KIF7: variants seen among roughly 807,000 people sequenced by gnomAD.
KIF7 encodes kinesin family member 7.
In KIF7, 104 loss-of-function variants were observed where a neutral mutation model predicts 135.7. That is an observed-to-expected ratio of 0.77 (90% CI 0.65 to 0.90). KIF7 has a LOEUF of 0.90. KIF7 is among the 40% of genes least tolerant of loss of function. The pLI, the probability that KIF7 is intolerant of heterozygous loss-of-function variation, is 0.00. For missense variants in KIF7, 2,005 were observed against 1,839.1 expected, an observed-to-expected ratio of 1.09 and a Z score of -1.65; for synonymous variants, 883 against 809.4, an observed-to-expected ratio of 1.09 and a Z score of -1.54.
downstream of KIF7, chr15:89,624,636 C>T: frequency 6.2e-7 from 1 of 1,614,078 alleles, no homozygotes; most frequent in Non-Finnish European, 8.5e-7. Flanking sequence ...GCTACCCAGG[C>T]CCTGGTCTCA....
At chr15:89,633,549 A>C in intron 12 of KIF7, 137 bp downstream of exon 12, 2 of 987,712 alleles carry the variant, frequency 2.0e-6, no homozygotes, top group Non-Finnish European at 3.0e-6. Flanking sequence ...AGATGAAAAA[A>C]CAGACTCAGG....
At chr15:89,617,847 A>G (rs1963360093) in intron 2 of KIF7, among the ~76,000 whole-genome samples, 1 of 152,072 alleles carries the variant, frequency 6.6e-6, no homozygotes, top group Non-Finnish European at 1.5e-5. Flanking sequence ...GCATGCCACC[A>G]CGCCCAGCTA....
chr15:89,628,816 G>A, intron 18 of KIF7, 30 bp from the exon 19 acceptor site: 1 of 1,611,712 alleles, frequency 6.2e-7, no homozygotes, highest in Non-Finnish European at 8.5e-7. Context: ...GTCCTCATCA[G>A]AAACAGGTGG....
At chr15:89,626,033 AC>A, downstream of KIF7, 1 of 1,613,812 alleles carries the variant, frequency 6.2e-7, no homozygotes, top group South Asian at 1.1e-5. Flanking sequence ...AGGGGAAAAC[AC>A]CTTCCTCTCA....
the KIF7 span, among the ~76,000 whole-genome samples, chr15:89,660,778 T>A: frequency 6.6e-6 from 1 of 152,228 alleles, no homozygotes; most frequent in African/African-American, 2.4e-5. Context: ...CTTGGCTGTA[T>A]GACTTGCTTT....
rs759398587 is a variant in KIF7 at position 89,633,002 on chromosome 15, G to A, written c.2719-6C>T. ...TTCTTCTGCTCCTCAATCTTCTAAGGAAAAGTAGGGAGGGAGGGAGGGAAC... is the reference window on the plus strand; with the variant it reads ...TTCTTCTGCTCCTCAATCTTCTAAGAAAAAGTAGGGAGGGAGGGAGGGAAC... On this transcript the variant is annotated splice_region_variant and splice_polypyrimidine_tract_variant and intron_variant, in intron 13 of 18. Transcript: ENST00000394412. The A allele has an allele frequency of 7.4e-6, 8 of 1,085,868 alleles. No homozygotes were observed. In the East Asian group the frequency reaches 3.5e-4, roughly 47 times the overall value. 67.3% of individuals were successfully genotyped at this position (1,085,868 alleles called of 1,614,324 possible). A position where few individuals can be genotyped will look rare whatever the true frequency, so the allele number is the denominator to read the frequency against.
At position 89,632,809 on chromosome 15, in the gene KIF7, C is replaced by T. The variant is rs1963708720; in HGVS notation, c.2895+11G>A. On this transcript the variant is annotated intron_variant, in intron 14 of 18. Transcript: ENST00000394412. The stretch of plus-strand genomic sequence containing the variant: ...CCTCACCTGGCAGGATCTCTCCTGG[C>T]AGGGCCTCACCTGGCTGGATCTCAG... The T allele has an allele frequency of 1.2e-6, 2 of 1,600,610 alleles. No homozygotes were observed. Among genetic ancestry groups the T allele is most frequent in the Non-Finnish European group, 1.7e-6 (2 of 1,178,452 alleles).
intron 1 of KIF7, chr15:89,619,578 A>T: frequency 1.0e-6 from 1 of 955,876 alleles, no homozygotes. Flanking sequence ...GAAGTCTCTT[A>T]AAGCTAATAG....
upstream of KIF7, among the ~76,000 whole-genome samples, chr15:89,657,703 C>T (rs1488394389): frequency 2.6e-5 from 4 of 152,172 alleles, no homozygotes; most frequent in Non-Finnish European, 4.4e-5. Context: ...ACAAAAGCCC[C>T]AACTTAAAGG....
intron 2 of KIF7, among the ~76,000 whole-genome samples, chr15:89,617,751 G>A (rs1045786059): frequency 1.4e-4 from 21 of 150,456 alleles, no homozygotes; most frequent in Admixed American, 8.6e-4. Flanking sequence ...GAGTGCAGTG[G>A]CGCGATCCTG....
intron 1 of KIF7, among the ~76,000 whole-genome samples, chr15:89,653,920 T>G (rs906934766): frequency 2.0e-5 from 3 of 152,118 alleles, no homozygotes; most frequent in Non-Finnish European, 2.9e-5. Flanking sequence ...GCAAATGCAA[T>G]TATTTCACTC....
At chr15:89,638,568 C>T (rs1251146613) in intron 11 of KIF7, among the ~76,000 whole-genome samples, 6 of 145,808 alleles carry the variant, frequency 4.1e-5, no homozygotes, top group Non-Finnish European at 7.4e-5. Flanking sequence ...AATAAAATAC[C>T]TAGGAATCCA....
downstream of KIF7, chr15:89,623,931 G>C (rs753914014): frequency 6.2e-7 from 1 of 1,613,960 alleles, no homozygotes; most frequent in Non-Finnish European, 8.5e-7. Context: ...CTGGGTTTTT[G>C]CCAAACTGTA....
At chr15:89,619,571 GTCTCTTAAAGCTAATAGCT>G in intron 1 of KIF7, 1 of 859,694 alleles carries the variant, frequency 1.2e-6, no homozygotes. Context: ...CACTTCAGAA[GTCTCTTAAAGCTAATAGCT>G]TGCTGAATTT....
chr15:89,662,691 G>C, the KIF7 span, among the ~76,000 whole-genome samples: 2 of 152,158 alleles, frequency 1.3e-5, no homozygotes, highest in South Asian at 4.1e-4. Flanking sequence ...GCTAGGTCCT[G>C]AGCTACACTG....
chr15:89,628,647 C>G lies in KIF7; in HGVS notation c.3804G>C (p.Leu1268Phe). The change falls in exon 19 of 19, where the codon TTG becomes TTC. Residue 1268 changes from leucine to phenylalanine, a missense_variant. Coordinates refer to ENST00000394412, the MANE Select transcript of KIF7 (RefSeq NM_198525.3). The stretch of plus-strand genomic sequence containing the variant: ...AGGTCAAGGGTAACGGAGCGTGGAC[C>G]AAGTCCCGCGTCTCCTCCCGGGTGC... ...APRTREETRD[L>F]VHAPLPLTWK... 1 of 1,613,230 alleles carries G rather than the reference C, an allele frequency of 6.2e-7. No individual in the cohort carries two copies. The highest frequency in any genetic ancestry group is 1.1e-5 in the South Asian group (1 of 91,082).
At position 89,631,631 on chromosome 15, in the gene KIF7, AG is replaced by A; in HGVS notation, c.2974del (p.Leu992CysfsTer37). ...CTGGCTCTGGGCGCTGCCCTGCCGC[AG>A]CTGCCCGCTCTTCTCGGACAGCTCC... is the stretch of plus-strand genomic sequence containing the variant. ...EKELSEKSGQ[L>X]RQGSAQSQQQ... On this transcript the variant is annotated frameshift_variant, in exon 15 of 19. Transcript: ENST00000394412. LOFTEE classifies it high-confidence loss of function. 1 of 1,562,362 alleles carries A rather than the reference AG, an allele frequency of 6.4e-7. No individual in the cohort carries two copies.
At position 89,648,680 on chromosome 15, in the gene KIF7, G is replaced by A; in HGVS notation, c.1018C>T (p.Leu340Phe). 6.5e-7 allele frequency: 1 copy of A among 1,535,956 alleles called. No homozygotes were observed. Among genetic ancestry groups the A allele is most frequent in the Non-Finnish European group, 8.7e-7 (1 of 1,146,370 alleles). ...TTCTGGGCGCGGCTGGCGTAGTTGAGGGTGTTGAGGGTCTCGTCGAAGTCG... is the reference window on the plus strand; with the variant it reads ...TTCTGGGCGCGGCTGGCGTAGTTGAAGGTGTTGAGGGTCTCGTCGAAGTCG... ...SSDFDETLNT[L>F]NYASRAQNIR... Residue 340 changes from leucine to phenylalanine, a missense_variant, in exon 5 of 19, where the codon CTC becomes TTC. Leu to Phe is a conservative substitution (Grantham distance 22). Transcript: ENST00000394412.
At chr15:89,658,816 A>G (rs1964230815), upstream of KIF7, among the ~76,000 whole-genome samples, 1 of 152,098 alleles carries the variant, frequency 6.6e-6, no homozygotes, top group African/African-American at 2.4e-5. Context: ...GTGAGCTGTG[A>G]TGGCGCCACT....
Sources: allele counts gnomAD v4.1 joint callset (sites outside exome capture counted in the v4.1 genomes callset), GRCh38; gene constraint gnomAD v4.1.1; transcripts MANE v1.5; gene names NCBI Gene and HGNC (gene_info 2026-07-23, HGNC 2026-07-21).